ITPK1: variants seen among roughly 807,000 people sequenced by gnomAD.
ITPK1 encodes the protein inositol-tetrakisphosphate 1-kinase.
ITPK1 carries 21 observed loss-of-function variants against 45.3 expected under a neutral mutation model. The ratio of observed to expected loss-of-function variants is 0.46; its 90% CI spans 0.33 to 0.67. ITPK1 has a LOEUF of 0.67. ITPK1 is among the 30% of genes least tolerant of loss of function. The pLI, the probability that ITPK1 is intolerant of heterozygous loss-of-function variation, is 0.02. For synonymous variants in ITPK1, 258 were observed against 253.6 expected (o/e 1.02, Z -0.16); for missense variants, 474 against 573.5 (o/e 0.83, Z 1.77).
chr14:93,051,023 G>A (rs112834872), intron 3 of ITPK1, among the ~76,000 whole-genome samples: 1,858 of 152,156 alleles, frequency 0.012, 43 homozygotes, highest in African/African-American at 0.043. Context: ...TCTCAGCTAT[G>A]TGCCCAGTGC....
At chr14:92,959,888 C>A (rs575071192) in intron 7 of ITPK1, among the ~76,000 whole-genome samples, 1 of 152,136 alleles carries the variant, frequency 6.6e-6, no homozygotes, top group African/African-American at 2.4e-5. Flanking sequence ...CGGGAGTGCG[C>A]GGGCTGGGAT....
intron 3 of ITPK1, among the ~76,000 whole-genome samples, chr14:93,025,277 C>T (rs1460810137): frequency 6.6e-6 from 1 of 152,198 alleles, no homozygotes; most frequent in Admixed American, 6.5e-5. Flanking sequence ...GCTGTGGGGG[C>T]AAGCAGACAG....
rs934115451 is a variant in ITPK1 at position 92,958,696 on chromosome 14, T to C, written c.505-330A>G. On this transcript the variant is annotated intron_variant, in intron 7 of 10. Transcript: ENST00000267615. The surrounding 1 kb of genome is among the most constrained non-coding windows in gnomAD (Gnocchi z 4.4). ...CCAGGGAAGGGGGCCGCTGAGGTTG[T>C]GTGCTGCTCAACCCTCTGACATCCT... is the stretch of plus-strand genomic sequence containing the variant. Among the ~76,000 whole-genome samples the C allele has an allele frequency of 6.6e-6, 1 of 152,120 alleles. No homozygotes were observed. The highest frequency in any genetic ancestry group is 1.5e-5 in the Non-Finnish European group (1 of 68,012).
At chr14:93,099,851 C>T (rs1346920529) in intron 2 of ITPK1, among the ~76,000 whole-genome samples, 1 of 152,150 alleles carries the variant, frequency 6.6e-6, no homozygotes, top group Non-Finnish European at 1.5e-5. Context: ...TAGGTACTCT[C>T]CACTCCCTTC....
intron 3 of ITPK1, among the ~76,000 whole-genome samples, chr14:93,025,530 T>C (rs1033051561): frequency 6.6e-6 from 1 of 152,220 alleles, no homozygotes; most frequent in Non-Finnish European, 1.5e-5. Flanking sequence ...GACTGAGGTG[T>C]GCATCTGTGT....
intron 1 of ITPK1, among the ~76,000 whole-genome samples, chr14:93,115,548 C>T (rs1034004057): frequency 2.0e-5 from 3 of 149,900 alleles, no homozygotes; most frequent in Admixed American, 6.6e-5. Context: ...GAGGGGAAGC[C>T]GGGCCTCCGC....
chr14:92,940,716 C>T lies in ITPK1; in HGVS notation c.*845G>A, dbSNP rs554936847. ...TCTGATCTCAAATGTCCACTAGAGA[C>T]AAGGGGGTGGAGGCCCAAAGACCTG... On this transcript the variant is annotated 3_prime_UTR_variant, in exon 11 of 11. Transcript: ENST00000267615. 949 of 1,288,736 alleles carry T rather than the reference C, an allele frequency of 7.4e-4. 1 individual carries two copies. The highest frequency in any genetic ancestry group is 9.2e-4 in the Non-Finnish European group (913 of 988,552). The allele number at this position is 1,288,736 out of a possible 1,614,324, so 79.8% of individuals were successfully genotyped here. A position where few individuals can be genotyped will look rare whatever the true frequency, so the allele number is the denominator to read the frequency against.
At chr14:92,966,980 T>C (rs1885404146) in intron 5 of ITPK1, among the ~76,000 whole-genome samples, 1 of 152,240 alleles carries the variant, frequency 6.6e-6, no homozygotes, top group Non-Finnish European at 1.5e-5. Context: ...CAGCTAGAAC[T>C]ACAAAACTTT....
Position 93,036,839 on chromosome 14 carries a change from G to A in ITPK1, c.121-20038C>T, listed in dbSNP as rs887573842. On this transcript the variant is annotated intron_variant, in intron 3 of 10. Transcript: ENST00000267615. The surrounding 1 kb of genome is among the most constrained non-coding windows in gnomAD (Gnocchi z 4.1). ...AGAGATGCTGACAGCTGCCAAAAAG[G>A]GACCTACCTGCTGTCAAGGGGTGGA... is the stretch of plus-strand genomic sequence containing the variant. The A allele has an allele frequency of 3.3e-5, 5 of 152,306 alleles. No individual in the cohort carries two copies. Among genetic ancestry groups the A allele is most frequent in the East Asian group, 1.9e-4 (1 of 5,198 alleles). The allele number at this position is 152,306 out of a possible 1,614,324, so 9.4% of individuals were successfully genotyped here. A position where few individuals can be genotyped will look rare whatever the true frequency, so the allele number is the denominator to read the frequency against.
intron 5 of ITPK1, among the ~76,000 whole-genome samples, chr14:92,987,726 G>A (rs57610666): frequency 1.3e-5 from 2 of 152,124 alleles, no homozygotes; most frequent in African/African-American, 2.4e-5. Flanking sequence ...AAGGGGGAAC[G>A]CTACAGCTGA....
intron 3 of ITPK1, among the ~76,000 whole-genome samples, chr14:93,037,661 G>A (rs933126584): frequency 6.6e-6 from 1 of 152,192 alleles, no homozygotes; most frequent in East Asian, 1.9e-4. Context: ...TGGTCCGGAT[G>A]TTAAAGACAA....
intron 5 of ITPK1, among the ~76,000 whole-genome samples, chr14:92,972,836 C>T (rs1885727234): frequency 6.6e-6 from 1 of 152,222 alleles, no homozygotes; most frequent in Non-Finnish European, 1.5e-5. Context: ...AGTGATCTGC[C>T]CGCCTCGGCC....
chr14:93,100,572 GAC>G (rs949349977), intron 2 of ITPK1, among the ~76,000 whole-genome samples: 7 of 105,534 alleles, frequency 6.6e-5, no homozygotes, highest in South Asian at 4.5e-4. Flanking sequence ...GAGAGAGAGA[GAC>G]AGACAGACAG....
chr14:93,111,151 C>A (rs1433952088), intron 2 of ITPK1, among the ~76,000 whole-genome samples: 2 of 152,126 alleles, frequency 1.3e-5, no homozygotes, highest in Non-Finnish European at 2.9e-5. Context: ...AGATAAGGTT[C>A]ACCCAAATTT....
chr14:93,101,748 G>A (rs892204002), intron 2 of ITPK1, among the ~76,000 whole-genome samples: 2 of 152,316 alleles, frequency 1.3e-5, no homozygotes, highest in Admixed American at 1.3e-4. Flanking sequence ...TACTCGGAAG[G>A]CTGAGGCAGG....
Position 92,941,516 on chromosome 14 carries a change from T to C in ITPK1, c.*45A>G. On this transcript the variant is annotated 3_prime_UTR_variant, in exon 11 of 11. Coordinates refer to ENST00000267615, the MANE Select transcript of ITPK1 (RefSeq NM_014216.6). Reference sequence around the variant, plus strand: ...CGTTGGGAGCTGCTGGCCCAGCGGGTGTGCTCTGCGCCCTGCGCTGCCCCT... The same window carrying C: ...CGTTGGGAGCTGCTGGCCCAGCGGGCGTGCTCTGCGCCCTGCGCTGCCCCT... 2.0e-6 allele frequency: 3 copies of C among 1,472,562 alleles called. No homozygotes were observed. Among genetic ancestry groups the C allele is most frequent in the Non-Finnish European group, 2.7e-6 (3 of 1,119,790 alleles). The allele number at this position is 1,472,562 out of a possible 1,614,324, so 91.2% of individuals were successfully genotyped here.
Position 93,081,509 on chromosome 14 carries a change from T to C in ITPK1, c.96-4890A>G, listed in dbSNP as rs1891432637. ...AGCTGGATTATTAACAAAGGGATGA[T>C]CCGCTTTGCACAGGGAAGCCTGTCC... On this transcript the variant is annotated intron_variant, in intron 2 of 10. Transcript: ENST00000267615. Among the ~76,000 whole-genome samples the C allele has an allele frequency of 2.0e-5, 3 of 152,190 alleles. No individual in the cohort carries two copies. In the South Asian group the frequency reaches 6.2e-4, roughly 31 times the overall value.
chr14:93,077,100 C>T (rs1464423478), intron 2 of ITPK1, among the ~76,000 whole-genome samples: 2 of 152,172 alleles, frequency 1.3e-5, no homozygotes, highest in African/African-American at 4.8e-5. Context: ...CACAGTCCTG[C>T]CCGCTGCCTT....
chr14:93,012,716 G>A lies in ITPK1; in HGVS notation c.246+3960C>T, dbSNP rs577145547. ...TCTCCTAGCAGTCTGTGTGCAGACC[G>A]GGAATTCAGGGGACATCTGAGGGAC... On this transcript the variant is annotated intron_variant, in intron 4 of 10. Transcript: ENST00000267615. This position sits in a 1 kb window ranked among gnomAD's most constrained non-coding sequence, Gnocchi z 4.9. Among the ~76,000 whole-genome samples the A allele has an allele frequency of 5.3e-5, 8 of 152,310 alleles. No homozygotes were observed. The highest frequency in any genetic ancestry group is 1.2e-4 in the African/African-American group (5 of 41,560).
Sources: allele counts gnomAD v4.1 joint callset (sites outside exome capture counted in the v4.1 genomes callset), GRCh38; gene constraint gnomAD v4.1.1; non-coding constraint Gnocchi (gnomAD v3.1); transcripts MANE v1.5; gene names NCBI Gene and HGNC (gene_info 2026-07-23, HGNC 2026-07-21).